Variants in TENM2 observed in about 807,000 individuals in gnomAD.
TENM2 encodes teneurin-2.
In TENM2, 52 loss-of-function variants were observed where a neutral mutation model predicts 245.2. That is an observed-to-expected ratio of 0.21 (90% CI 0.17 to 0.27). The LOEUF (loss-of-function observed/expected upper bound fraction) is 0.27. Ranked by LOEUF, TENM2 falls within the 10% of genes least tolerant of loss-of-function variation. The probability of loss-of-function intolerance (pLI) is 1.00; values close to 1 mark genes in which losing one functional copy is unlikely to be tolerated. For synonymous variants in TENM2, 1,363 were observed against 1,438.9 expected (o/e 0.95, Z 1.19); for missense variants, 3,046 against 3,666.8 (o/e 0.83, Z 4.37).
intron 2 of TENM2, among the ~76,000 whole-genome samples, chr5:167,494,637 G>T (rs1768677551): frequency 6.6e-6 from 1 of 152,044 alleles, no homozygotes; most frequent in Non-Finnish European, 1.5e-5. Flanking sequence ...AAACATGTTT[G>T]AAGCCACCAC....
chr5:167,818,632 C>T (rs1767255437), intron 2 of TENM2, among the ~76,000 whole-genome samples: 1 of 152,140 alleles, frequency 6.6e-6, no homozygotes, highest in Non-Finnish European at 1.5e-5. Context: ...CATCACAGCA[C>T]TCAGGGCAGT....
chr5:166,988,227 A>G, the TENM2 span, among the ~76,000 whole-genome samples: 1 of 152,210 alleles, frequency 6.6e-6, no homozygotes, highest in African/African-American at 2.4e-5. Flanking sequence ...TCTCAATTCC[A>G]GTAAATCATA....
At chr5:167,083,561 A>C in the TENM2 span, among the ~76,000 whole-genome samples, 1 of 152,332 alleles carries the variant, frequency 6.6e-6, no homozygotes, top group South Asian at 2.1e-4. Context: ...ATGACCTTAA[A>C]TGAGGCCAGC....
intron 2 of TENM2, among the ~76,000 whole-genome samples, chr5:167,754,158 A>T (rs1168956486): frequency 6.6e-6 from 1 of 152,142 alleles, no homozygotes; most frequent in Non-Finnish European, 1.5e-5. Flanking sequence ...TCCAGACATG[A>T]TGGATAGTTG....
intron 4 of TENM2, among the ~76,000 whole-genome samples, chr5:167,968,813 G>A (rs1213532940): frequency 6.6e-6 from 1 of 152,084 alleles, no homozygotes; most frequent in Non-Finnish European, 1.5e-5. Flanking sequence ...GGACTCTAAG[G>A]AGCTCTACTC....
intron 2 of TENM2, among the ~76,000 whole-genome samples, chr5:167,718,535 A>C (rs1759416014): frequency 6.6e-6 from 1 of 152,212 alleles, no homozygotes. Context: ...ATTGAAAAGC[A>C]CAGATCCTAC....
intron 2 of TENM2, among the ~76,000 whole-genome samples, chr5:167,722,986 G>C (rs1172050358): frequency 6.6e-6 from 1 of 152,154 alleles, no homozygotes; most frequent in Non-Finnish European, 1.5e-5. Context: ...GAGCTAGAAT[G>C]ATAGTGTTAG....
chr5:168,116,749 T>C (rs1344085214), intron 9 of TENM2, among the ~76,000 whole-genome samples: 1 of 152,132 alleles, frequency 6.6e-6, no homozygotes, highest in Middle Eastern at 3.4e-3. Context: ...CATAGAAACA[T>C]GACAACAAAA....
chr5:167,330,639 G>A (rs774182580), intron 1 of TENM2, among the ~76,000 whole-genome samples: 2 of 152,070 alleles, frequency 1.3e-5, no homozygotes, highest in African/African-American at 2.4e-5. Flanking sequence ...TACCTAAAAT[G>A]GTAGCTGAAC....
rs1170008516 is a variant in TENM2, at chr5:167,588,833, A to G, written c.502+213360A>G. On this transcript the variant is annotated intron_variant, in intron 2 of 28. Coordinates refer to ENST00000518659, the Ensembl canonical transcript of TENM2. ...GAATGTGGCTTTCTGTTTTTCATTT[A>G]TGATTGGAACCCATTTAATTCATCT... Among the ~76,000 whole-genome samples the G allele has an allele frequency of 2.0e-5, 3 of 152,148 alleles. No homozygotes were observed. In the South Asian group the frequency reaches 6.2e-4, roughly 32 times the overall value.
intron 2 of TENM2, among the ~76,000 whole-genome samples, chr5:167,495,863 T>A (rs774616980): frequency 1.3e-5 from 2 of 152,142 alleles, no homozygotes; most frequent in Non-Finnish European, 2.9e-5. Context: ...TATAAAATAT[T>A]TTGCAGCTCA....
At chr5:167,794,070 A>G (rs1765159753) in intron 2 of TENM2, among the ~76,000 whole-genome samples, 1 of 151,856 alleles carries the variant, frequency 6.6e-6, no homozygotes, top group Non-Finnish European at 1.5e-5. Context: ...TTTCCCCAAC[A>G]ATTATTATTC....
At chr5:167,012,180 T>C in the TENM2 span, among the ~76,000 whole-genome samples, 2 of 152,196 alleles carry the variant, frequency 1.3e-5, no homozygotes, top group Admixed American at 6.5e-5. Context: ...AATGAAAAGC[T>C]CTCACAAAGG....
chr5:167,971,238 G>C (rs901038798), intron 4 of TENM2, among the ~76,000 whole-genome samples: 2 of 137,366 alleles, frequency 1.5e-5, no homozygotes, highest in African/African-American at 2.9e-5. Flanking sequence ...TGGAGATAGA[G>C]ATAAAGGGAG....
At chr5:167,269,123 A>C in the TENM2 span, among the ~76,000 whole-genome samples, 2 of 152,174 alleles carry the variant, frequency 1.3e-5, no homozygotes, top group Non-Finnish European at 2.9e-5. Flanking sequence ...AGCAGGAAGA[A>C]AATACGTCAC....
chr5:167,363,506 C>T (rs191730951), intron 1 of TENM2, among the ~76,000 whole-genome samples: 115 of 151,726 alleles, frequency 7.6e-4, no homozygotes, highest in Non-Finnish European at 1.3e-3. Context: ...TCGAGGCAGG[C>T]GGATCACAAG....
chr5:167,716,026 A>T (rs1177719345), intron 2 of TENM2, among the ~76,000 whole-genome samples: 1 of 152,210 alleles, frequency 6.6e-6, no homozygotes, highest in African/African-American at 2.4e-5. Context: ...GAGTGAAGGT[A>T]TAATCCTTGC....
At chr5:167,272,718 C>T in the TENM2 span, among the ~76,000 whole-genome samples, 1 of 152,094 alleles carries the variant, frequency 6.6e-6, no homozygotes. Flanking sequence ...TCAATTCACA[C>T]GGGCATTTGG....
At chr5:167,149,208 A>G in the TENM2 span, among the ~76,000 whole-genome samples, 86 of 150,910 alleles carry the variant, frequency 5.7e-4, no homozygotes, top group Admixed American at 1.1e-3. Flanking sequence ...CTGTTGAATT[A>G]TATGTTTGCT....
Sources: gnomAD v4.1 joint callset for allele counts (sites outside exome capture counted in the v4.1 genomes callset) on GRCh38, gnomAD v4.1.1 for gene constraint, MANE v1.5 for transcripts, NCBI Gene and HGNC (gene_info 2026-07-23, HGNC 2026-07-21) for gene names.